TRIM67: variants seen among roughly 807,000 people sequenced by gnomAD.
The protein encoded by TRIM67 is tripartite motif containing 67.
A neutral mutation model predicts 71.0 loss-of-function variants in TRIM67; 39 were observed. The observed-to-expected ratio is 0.55, with a 90% confidence interval of 0.43 to 0.72. TRIM67 has a LOEUF of 0.72. Ranked by LOEUF, TRIM67 falls within the 30% of genes least tolerant of loss-of-function variation. The probability of loss-of-function intolerance (pLI) is 0.00; values close to 1 mark genes in which losing one functional copy is unlikely to be tolerated. For synonymous variants in TRIM67, 481 were observed against 473.9 expected (o/e 1.01, Z -0.19); for missense variants, 973 against 1,079.2 (o/e 0.90, Z 1.38).
At chr1:231,181,388 G>A (rs1482801637) in intron 1 of TRIM67, among the ~76,000 whole-genome samples, 1 of 152,222 alleles carries the variant, frequency 6.6e-6, no homozygotes, top group East Asian at 1.9e-4. Context: ...ACGGGAAATA[G>A]AGCTGCAGGT....
chr1:231,205,725 CAAAA>C (rs11325333), intron 6 of TRIM67, among the ~76,000 whole-genome samples: 53 of 98,322 alleles, frequency 5.4e-4, no homozygotes, highest in Non-Finnish European at 9.7e-4. Context: ...GACTCTGTCT[CAAAA>C]AAAAAAAAAA....
intron 1 of TRIM67, among the ~76,000 whole-genome samples, chr1:231,182,852 G>T (rs987290337): frequency 1.3e-5 from 2 of 152,218 alleles, no homozygotes; most frequent in Non-Finnish European, 2.9e-5. Context: ...AGAAGCCCCC[G>T]TGTGCCTGCG....
In TRIM67 at chr1:231,221,375, A is replaced by G. The variant is rs1459147545; in HGVS notation, c.*5935A>G. On this transcript the variant is annotated 3_prime_UTR_variant, in exon 10 of 10. Coordinates refer to ENST00000366653, the MANE Select transcript of TRIM67 (RefSeq NM_001004342.5). ...ACACGGGGGGTAGCGGGGAGTGGTA[A>G]GGAAAGCAACTTTTTTCTAATTTTT... 1 of 152,494 alleles carries G rather than the reference A, an allele frequency of 6.6e-6. No homozygotes were observed. Among genetic ancestry groups the G allele is most frequent in the Non-Finnish European group, 1.5e-5 (1 of 68,044 alleles). The allele number at this position is 152,494 out of a possible 1,614,324, so 9.4% of individuals were successfully genotyped here.
At chr1:231,175,960 T>C (rs1682736150) in intron 1 of TRIM67, among the ~76,000 whole-genome samples, 1 of 152,196 alleles carries the variant, frequency 6.6e-6, no homozygotes, top group Non-Finnish European at 1.5e-5. Flanking sequence ...GGATCTGTAT[T>C]GTCATCTGTC....
At chr1:231,199,869 T>C (rs551659796) in intron 3 of TRIM67, among the ~76,000 whole-genome samples, 24 of 152,280 alleles carry the variant, frequency 1.6e-4, no homozygotes, top group African/African-American at 5.8e-4. Flanking sequence ...GTATGGAGAG[T>C]TCCAGATTAT....
At position 231,162,451 on chromosome 1, in the gene TRIM67, C is replaced by T. The variant is rs1356649997; in HGVS notation, c.-519C>T. On this transcript the variant is annotated 5_prime_UTR_variant, in exon 1 of 10. Transcript: ENST00000366653. ...CGCCTCGTGGTGCTGATCCCAGCCC[C>T]ACGGCTGAGCGGCCTTCGCACCTGC... 1 of 153,780 alleles carries T rather than the reference C, an allele frequency of 6.5e-6. No homozygotes were observed. The highest frequency in any genetic ancestry group is 2.4e-5 in the African/African-American group (1 of 41,480). The allele number at this position is 153,780 out of a possible 1,614,324, so 9.5% of individuals were successfully genotyped here.
At position 231,221,191 on chromosome 1, in the gene TRIM67, G is replaced by A. The variant is rs1420104223; in HGVS notation, c.*5751G>A. 6.6e-6 allele frequency: 1 copy of A among 152,154 alleles called. No individual in the cohort carries two copies. Among genetic ancestry groups the A allele is most frequent in the Non-Finnish European group, 1.5e-5 (1 of 68,020 alleles). 9.4% of individuals were successfully genotyped at this position (152,154 alleles called of 1,614,324 possible). ...GATTTAACAAGAAACAAAAAGCTTC[G>A]CGTCCTTGTTTTGACCGTCGACAGA... On this transcript the variant is annotated 3_prime_UTR_variant, in exon 10 of 10. Transcript: ENST00000366653.
At chr1:231,201,260 G>C (rs985625945) in intron 4 of TRIM67, 98 bp from the exon 5 acceptor site, 1 of 1,302,354 alleles carries the variant, frequency 7.7e-7, no homozygotes, top group Non-Finnish European at 1.0e-6. Flanking sequence ...TTCTGTCTCT[G>C]AGTCCCATAG....
chr1:231,214,717 T>G (rs1190367227), intron 9 of TRIM67, among the ~76,000 whole-genome samples: 2 of 145,570 alleles, frequency 1.4e-5, no homozygotes, highest in African/African-American at 5.2e-5. Flanking sequence ...AGGCGGAGCT[T>G]CCAGTGAGCC....
intron 1 of TRIM67, among the ~76,000 whole-genome samples, chr1:231,190,856 C>T (rs1358243258): frequency 6.6e-6 from 1 of 152,160 alleles, no homozygotes; most frequent in African/African-American, 2.4e-5. Flanking sequence ...CCTCCTTTGT[C>T]CTATTCTTTC....
At position 231,218,825 on chromosome 1, in the gene TRIM67, A is replaced by G; in HGVS notation, c.*3385A>G. 8.1e-6 allele frequency: 8 copies of G among 985,354 alleles called. No homozygotes were observed. Among genetic ancestry groups the G allele is most frequent in the Non-Finnish European group, 9.6e-6 (8 of 829,902 alleles). 61.0% of individuals were successfully genotyped at this position (985,354 alleles called of 1,614,324 possible). ...CTGGGCAGGCTCTGTGGAGCTCACCAAGAGAGCTGGGGGCAGGCCCACCCT... is the reference window on the plus strand; with the variant it reads ...CTGGGCAGGCTCTGTGGAGCTCACCGAGAGAGCTGGGGGCAGGCCCACCCT... On this transcript the variant is annotated 3_prime_UTR_variant, in exon 10 of 10. Transcript: ENST00000366653.
chr1:231,193,175 T>G (rs1683277864), intron 1 of TRIM67, among the ~76,000 whole-genome samples: 1 of 152,222 alleles, frequency 6.6e-6, no homozygotes, highest in Non-Finnish European at 1.5e-5. Flanking sequence ...TCTATCCCAC[T>G]CTTTGCATGC....
intron 1 of TRIM67, among the ~76,000 whole-genome samples, chr1:231,179,729 G>A (rs1682849603): frequency 6.6e-6 from 1 of 152,228 alleles, no homozygotes; most frequent in South Asian, 2.1e-4. Context: ...ACTAACTCAA[G>A]TAGGTTAAGC....
chr1:231,187,707 G>T, intron 1 of TRIM67: 1 of 778,532 alleles, frequency 1.3e-6, no homozygotes, highest in Non-Finnish European at 2.0e-6. Context: ...GGCGGGGTGG[G>T]AAAGGCGGGC....
intron 1 of TRIM67, chr1:231,185,264 C>G (rs1463214640): frequency 6.6e-7 from 1 of 1,513,446 alleles, no homozygotes; most frequent in Non-Finnish European, 8.8e-7. Flanking sequence ...CCCCTCACCC[C>G]TGGACCAGCT....
chr1:231,184,982 T>G (rs1683021869), intron 1 of TRIM67: 1 of 1,518,646 alleles, frequency 6.6e-7, no homozygotes. Context: ...CCAGCAGTGC[T>G]CCTGAATGGG....
rs1009336255 is a variant in TRIM67 at position 231,162,880 on chromosome 1, G to T, written c.-90G>T. 8.0e-5 allele frequency: 121 copies of T among 1,511,548 alleles called. No individual in the cohort carries two copies. Among genetic ancestry groups the T allele is most frequent in the Non-Finnish European group, 9.7e-5 (110 of 1,132,386 alleles). 93.6% of individuals were successfully genotyped at this position (1,511,548 alleles called of 1,614,324 possible). ...TGATGCCCCCGCCCGTCGTCTCACC[G>T]GGGCGCACCGCGCTGGTCCTCCTCC... On this transcript the variant is annotated 5_prime_UTR_variant, in exon 1 of 10. Transcript: ENST00000366653.
Position 231,219,753 on chromosome 1 carries a change from G to A in TRIM67, c.*4313G>A, listed in dbSNP as rs1250683907. ...GGCAAATATTCAAGATGGTGATGCT[G>A]GAAAATTTCAGGACTTTTCTTTTGC... On this transcript the variant is annotated 3_prime_UTR_variant, in exon 10 of 10. Transcript: ENST00000366653. 5.0e-6 allele frequency: 6 copies of A among 1,201,386 alleles called. No individual in the cohort carries two copies. Among genetic ancestry groups the A allele is most frequent in the African/African-American group, 1.6e-5 (1 of 62,728 alleles). 74.4% of individuals were successfully genotyped at this position (1,201,386 alleles called of 1,614,324 possible).
At chr1:231,178,506 G>A (rs181364901) in intron 1 of TRIM67, among the ~76,000 whole-genome samples, 109 of 152,324 alleles carry the variant, frequency 7.2e-4, no homozygotes, top group Non-Finnish European at 9.0e-4. Flanking sequence ...TGAAAGGAGG[G>A]AATTGCTTTC....
Sources: gnomAD v4.1 joint callset for allele counts (sites outside exome capture counted in the v4.1 genomes callset) on GRCh38, gnomAD v4.1.1 for gene constraint, MANE v1.5 for transcripts, NCBI Gene and HGNC (gene_info 2026-07-23, HGNC 2026-07-21) for gene names.